PPFIA4: variants seen among roughly 807,000 people sequenced by gnomAD.
PPFIA4 encodes liprin-alpha-4.
In PPFIA4, 98 loss-of-function variants were observed where a neutral mutation model predicts 145.7. That is an observed-to-expected ratio of 0.67 (90% CI 0.57 to 0.80). The LOEUF (loss-of-function observed/expected upper bound fraction) is 0.80. Ranked by LOEUF, PPFIA4 falls within the 30% of genes least tolerant of loss-of-function variation. The probability of loss-of-function intolerance (pLI) is 0.00; values close to 1 mark genes in which losing one functional copy is unlikely to be tolerated. For synonymous variants in PPFIA4, 628 were observed against 649.6 expected, an observed-to-expected ratio of 0.97 and a Z score of 0.51; for missense variants, 1,457 against 1,632.7, an observed-to-expected ratio of 0.89 and a Z score of 1.85.
chr1:203,030,623 G>A (rs1433204850), intron 1 of PPFIA4, among the ~76,000 whole-genome samples: 1 of 152,194 alleles, frequency 6.6e-6, no homozygotes, highest in African/African-American at 2.4e-5. Context: ...AGAGCCCCTG[G>A]AGTAAGTGGA....
At chr1:203,046,047 G>A in intron 8 of PPFIA4, 60 bp downstream of exon 8, 2 of 1,606,010 alleles carry the variant, frequency 1.2e-6, no homozygotes, top group Non-Finnish European at 1.7e-6. Context: ...GTGTCCTCGT[G>A]AACCTACTGG....
chr1:203,063,783 C>T, intron 24 of PPFIA4, 45 bp from the exon 25 acceptor site: 3 of 1,608,178 alleles, frequency 1.9e-6, no homozygotes, highest in Non-Finnish European at 2.6e-6. Flanking sequence ...CCTGCTGGCT[C>T]TACCTTCCTC....
chr1:203,045,968 A>G lies in PPFIA4; in HGVS notation c.986A>G (p.Lys329Arg). Residue 329 changes from lysine to arginine, a missense_variant, in exon 8 of 30, where the codon AAG becomes AGG. Around this residue, in one of 3 missense-constraint regions of PPFIA4, gnomAD observed 463 missense variants for 459.8 expected, o/e 1.01. Transcript: ENST00000295706. ...AAGCTGGAGAATGAGCTGGCCAACAAGGAGTCCCTGCACCGCCAGGTACCT... is the reference window on the plus strand; with the variant it reads ...AAGCTGGAGAATGAGCTGGCCAACAGGGAGTCCCTGCACCGCCAGGTACCT... The part of the protein sequence containing the change: ...NDKLENELAN[K>R]ESLHRQCEEK... 1.2e-6 allele frequency: 2 copies of G among 1,612,616 alleles called. No homozygotes were observed. Among genetic ancestry groups the G allele is most frequent in the Non-Finnish European group, 1.7e-6 (2 of 1,179,832 alleles).
In PPFIA4 at chr1:203,046,346, G is replaced by A. The variant is rs570949839; in HGVS notation, c.1104G>A (p.Glu368=). 1 of 1,591,210 alleles carries A rather than the reference G, an allele frequency of 6.3e-7. No homozygotes were observed. The highest frequency in any genetic ancestry group is 1.3e-5 in the African/African-American group (1 of 74,588). The stretch of plus-strand genomic sequence containing the variant: ...AGGCAGAGACGCTGCCAGAGGTGGA[G>A]GCTGAGCTGGCCCAGAGAATTGCAG... ...MRKAETLPEV[E]AELAQRIAAL... The change falls in exon 9 of 30, where the codon GAG becomes GAA. Residue 368 remains glutamate (E), a synonymous_variant. Coordinates refer to ENST00000295706, the MANE Select transcript of PPFIA4 (RefSeq NM_001304331.2).
Position 203,055,590 on chromosome 1 carries a change from C to A in PPFIA4, c.1988C>A (p.Pro663Gln). Residue 663 changes from proline to glutamine, a missense_variant, in exon 16 of 30, where the codon CCA becomes CAA. Coordinates refer to ENST00000295706, the MANE Select transcript of PPFIA4 (RefSeq NM_001304331.2). This position sits in a 1 kb window ranked among gnomAD's most constrained non-coding sequence, Gnocchi z 4.8. ...GCCCTGTCCCTGGCCAGCGCGTCCC[C>A]ACCACTCAGCGGCCGCTCCACACCT... is the stretch of plus-strand genomic sequence containing the variant. The part of the protein sequence containing the change: ...LTALSLASAS[P>Q]PLSGRSTPKL... 2.5e-6 allele frequency: 4 copies of A among 1,614,038 alleles called. No individual in the cohort carries two copies. The highest frequency in any genetic ancestry group is 3.4e-6 in the Non-Finnish European group (4 of 1,179,890).
intron 25 of PPFIA4, among the ~76,000 whole-genome samples, chr1:203,066,579 G>A (rs1661745151): frequency 6.6e-6 from 1 of 152,152 alleles, no homozygotes; most frequent in African/African-American, 2.4e-5. Context: ...GCCCCTGGAG[G>A]CATTCAGGCA....
rs1414100683 is a variant in PPFIA4 at position 203,055,906 on chromosome 1, C to T, written c.2071-214C>T. ...GCCCAGACTGCTTAAGAAACTCACCCACTGCCCTCACCTCTTCCTTTCTTC... is the reference window on the plus strand; with the variant it reads ...GCCCAGACTGCTTAAGAAACTCACCTACTGCCCTCACCTCTTCCTTTCTTC... On this transcript the variant is annotated intron_variant, in intron 16 of 29. Coordinates refer to ENST00000295706, the MANE Select transcript of PPFIA4 (RefSeq NM_001304331.2). This position sits in a 1 kb window ranked among gnomAD's most constrained non-coding sequence, Gnocchi z 4.8. Among the ~76,000 whole-genome samples, 2 of 152,134 alleles carry T rather than the reference C, an allele frequency of 1.3e-5. No homozygotes were observed. The highest frequency in any genetic ancestry group is 2.9e-5 in the Non-Finnish European group (2 of 68,024).
chr1:203,053,270 C>T (rs975984382), intron 14 of PPFIA4, among the ~76,000 whole-genome samples: 5 of 150,794 alleles, frequency 3.3e-5, no homozygotes, highest in Non-Finnish European at 7.4e-5. Flanking sequence ...CGGTGGCTCA[C>T]GCTTGTAATC....
intron 1 of PPFIA4, among the ~76,000 whole-genome samples, chr1:203,032,607 ATT>A (rs144372683): frequency 0.56 from 67,220 of 120,810 alleles, 18,643 homozygotes; most frequent in Non-Finnish European, 0.59. Context: ...CCCAGCTAAC[ATT>A]TTTTTTTTTT....
At chr1:203,050,225 T>C (rs1302666161) in intron 13 of PPFIA4, among the ~76,000 whole-genome samples, 2 of 152,214 alleles carry the variant, frequency 1.3e-5, no homozygotes, top group Non-Finnish European at 2.9e-5. Flanking sequence ...GAAACTTCCT[T>C]ACTGGAAGTT....
Position 203,056,512 on chromosome 1 carries a change from A to G in PPFIA4, c.2240+4A>G. 6.2e-7 allele frequency: 1 copy of G among 1,612,972 alleles called. No individual in the cohort carries two copies. The highest frequency in any genetic ancestry group is 8.5e-7 in the Non-Finnish European group (1 of 1,179,448). ...TGAGCCAGGAAGAAGGCAAGAGGTA[A>G]GTAGAGCAGACCCCACCTCCAGTCT... On this transcript the variant is annotated splice_donor_region_variant and intron_variant, in intron 18 of 29. Coordinates refer to ENST00000295706, the MANE Select transcript of PPFIA4 (RefSeq NM_001304331.2).
chr1:203,058,987 C>T (rs1038650149), intron 19 of PPFIA4, among the ~76,000 whole-genome samples, 191 bp from the exon 20 acceptor site: 3 of 152,148 alleles, frequency 2.0e-5, no homozygotes, highest in Non-Finnish European at 2.9e-5. Flanking sequence ...GGGGATGACC[C>T]GCTTGATGCC....
intron 2 of PPFIA4, among the ~76,000 whole-genome samples, chr1:203,040,189 T>G (rs1249268441): frequency 2.0e-5 from 3 of 152,224 alleles, no homozygotes; most frequent in Non-Finnish European, 2.9e-5. Flanking sequence ...GGGGGTTGTG[T>G]GTCTGTGAGA....
rs1279733671 is a variant in PPFIA4 at position 203,048,355 on chromosome 1, G to T, written c.1224+45G>T. The T allele has an allele frequency of 1.9e-6, 3 of 1,592,388 alleles. No individual in the cohort carries two copies. Among genetic ancestry groups the T allele is most frequent in the African/African-American group, 1.3e-5 (1 of 74,490 alleles). ...CCCTCAGGCCCCCTCCTTCCCGCAGGACAGGCTCCCAGGGCGGTCTGTGGA... is the reference window on the plus strand; with the variant it reads ...CCCTCAGGCCCCCTCCTTCCCGCAGTACAGGCTCCCAGGGCGGTCTGTGGA... On this transcript the variant is annotated intron_variant, in intron 10 of 29. Transcript: ENST00000295706. This position sits in a 1 kb window ranked among gnomAD's most constrained non-coding sequence, Gnocchi z 5.8.
rs777186122 is a variant in PPFIA4 at position 203,056,902 on chromosome 1, G to A, written c.2359G>A (p.Glu787Lys). The change falls in exon 19 of 30, where the codon GAG (glutamate) becomes AAG (lysine). Residue 787 changes from glutamate to lysine, a missense_variant. Around this residue, in one of 3 missense-constraint regions of PPFIA4, gnomAD observed 848 missense variants for 1,046.7 expected, o/e 0.81. Coordinates refer to ENST00000295706, the MANE Select transcript of PPFIA4 (RefSeq NM_001304331.2). ...CATTGGCCGCCTGTTTGGGAAGAAG[G>A]AGAAGGGCAGGCTGATCCAGCTGAG... ...SSIGRLFGKK[E>K]KGRLIQLSRD... 16 of 1,614,098 alleles carry A rather than the reference G, an allele frequency of 9.9e-6. No homozygotes were observed. Among genetic ancestry groups the A allele is most frequent in the Non-Finnish European group, 1.3e-5 (15 of 1,179,912 alleles).
chr1:203,048,225 A>AG lies in PPFIA4; in HGVS notation c.1141dup, dbSNP rs774604246. On this transcript the variant is annotated splice_acceptor_variant, in intron 9 of 29. Transcript: ENST00000295706. LOFTEE classifies it high-confidence loss of function. The surrounding 1 kb of genome is among the most constrained non-coding windows in gnomAD (Gnocchi z 5.8). Reference sequence around the variant, plus strand: ...GCTGCACCGACCCATCCCTGCCCCTAGGCTGAAGAACGGCATGGCAACATT... The same window carrying AG: ...GCTGCACCGACCCATCCCTGCCCCTAGGGCTGAAGAACGGCATGGCAACATT... The AG allele has an allele frequency of 1.2e-6, 2 of 1,612,608 alleles. No homozygotes were observed. Among genetic ancestry groups the AG allele is most frequent in the Non-Finnish European group, 1.7e-6 (2 of 1,179,832 alleles).
Position 203,060,943 on chromosome 1 carries a change from C to G in PPFIA4, c.2785-27C>G. The G allele has an allele frequency of 6.2e-7, 1 of 1,611,656 alleles. No individual in the cohort carries two copies. Among genetic ancestry groups the G allele is most frequent in the Non-Finnish European group, 8.5e-7 (1 of 1,178,044 alleles). ...GGATCCTGGGGACCCACACCCAGGA[C>G]CAGCTAGGTTTCCTCTCTGCCTGCA... On this transcript the variant is annotated intron_variant, in intron 22 of 29. Coordinates refer to ENST00000295706, the MANE Select transcript of PPFIA4 (RefSeq NM_001304331.2). The surrounding 1 kb of genome is among the most constrained non-coding windows in gnomAD (Gnocchi z 4.8).
In PPFIA4 at chr1:203,049,755, G is replaced by C. The variant is rs755334794; in HGVS notation, c.1499G>C (p.Gly500Ala). 5 of 1,586,020 alleles carry C rather than the reference G, an allele frequency of 3.2e-6. No individual in the cohort carries two copies. In the South Asian group the frequency reaches 5.8e-5, roughly 18 times the overall value. ...GGCCGAGGGGGGCCGTTTGTGGATG[G>C]CGTCCACTCCAGGTACTGCAGCGCC... ...LKGRGGPFVD[G>A]VHSRSHMGSA... The change falls in exon 13 of 30, where the codon GGC becomes GCC. Residue 500 changes from glycine to alanine, a missense_variant. By Grantham distance (60) the Gly-to-Ala change is moderately conservative (BLOSUM62 0). Coordinates refer to ENST00000295706, the MANE Select transcript of PPFIA4 (RefSeq NM_001304331.2).
rs58174755 is a variant in PPFIA4 at position 203,047,089 on chromosome 1, C to T, written c.1140+707C>T. On this transcript the variant is annotated intron_variant, in intron 9 of 29. Coordinates refer to ENST00000295706, the MANE Select transcript of PPFIA4 (RefSeq NM_001304331.2). ...CAGCCTCATATGGGATCTTCGAACC[C>T]GTGGCGAGAAGAAAACCGGTGTTTA... Among the ~76,000 whole-genome samples, 1,266 of 152,262 alleles carry T rather than the reference C, an allele frequency of 8.3e-3. 14 individuals carry two copies. The highest frequency in any genetic ancestry group is 0.029 in the African/African-American group (1,216 of 41,548).
Sources: gnomAD v4.1 joint callset for allele counts (sites outside exome capture counted in the v4.1 genomes callset) on GRCh38, gnomAD v4.1.1 for gene constraint, gnomAD v4.1.1 regional missense constraint, Gnocchi (gnomAD v3.1) non-coding constraint, MANE v1.5 for transcripts, NCBI Gene and HGNC (gene_info 2026-07-23, HGNC 2026-07-21) for gene names.